Variants in MAP2 observed in about 807,000 individuals in gnomAD.
MAP2 encodes microtubule associated protein 2, also known as microtubule-associated protein 2.
In MAP2, 14 loss-of-function variants were observed where a neutral mutation model predicts 137.6. That is an observed-to-expected ratio of 0.10 (90% CI 0.07 to 0.16). The LOEUF is 0.16. Among genes scored for constraint, MAP2 ranks in the 10% least tolerant of loss-of-function variants. The pLI is 1.00. For missense variants in MAP2, 2,088 were observed against 2,191.5 expected (o/e 0.95, Z 0.94); for synonymous variants, 786 against 782.3 (o/e 1.00, Z -0.08).
chr2:209,613,844 C>T (rs762299496), intron 3 of MAP2, among the ~76,000 whole-genome samples: 10 of 152,094 alleles, frequency 6.6e-5, no homozygotes, highest in Non-Finnish European at 1.0e-4. Context: ...TAGTCCCAGA[C>T]GAGCCCAGGG....
intron 7 of MAP2, among the ~76,000 whole-genome samples, chr2:209,682,060 A>AT (rs1249840256): frequency 2.0e-5 from 3 of 152,080 alleles, no homozygotes; most frequent in African/African-American, 7.2e-5. Flanking sequence ...AGTTAATGTG[A>AT]TTTAATCTTT....
At chr2:209,505,824 TAGTC>T (rs777127496) in intron 1 of MAP2, among the ~76,000 whole-genome samples, 38 of 151,846 alleles carry the variant, frequency 2.5e-4, no homozygotes, top group Non-Finnish European at 2.2e-4. Context: ...ATACAAAACT[TAGTC>T]AGGCATAGTG....
intron 3 of MAP2, among the ~76,000 whole-genome samples, chr2:209,600,730 C>T (rs1421615229): frequency 1.3e-5 from 2 of 152,196 alleles, no homozygotes; most frequent in African/African-American, 4.8e-5. Context: ...AGCCAGGACA[C>T]GGTGAGTGAG....
chr2:209,597,036 C>T (rs2081473700), intron 3 of MAP2, among the ~76,000 whole-genome samples: 2 of 152,142 alleles, frequency 1.3e-5, no homozygotes, highest in African/African-American at 4.8e-5. Flanking sequence ...AAGTTCTGGC[C>T]TGTAAGCTAG....
chr2:209,687,573 G>A (rs551254066), intron 7 of MAP2, among the ~76,000 whole-genome samples: 1 of 152,230 alleles, frequency 6.6e-6, no homozygotes, highest in Non-Finnish European at 1.5e-5. Flanking sequence ...TCCTCCATCA[G>A]CTTGATCTTG....
At chr2:209,524,496 G>A (rs1002622731) in intron 2 of MAP2, among the ~76,000 whole-genome samples, 5 of 151,696 alleles carry the variant, frequency 3.3e-5, no homozygotes, top group Non-Finnish European at 7.4e-5. Context: ...CGAAACATGA[G>A]ATTAAACATT....
intron 2 of MAP2, among the ~76,000 whole-genome samples, chr2:209,567,159 C>T (rs1404806658): frequency 1.3e-5 from 2 of 152,098 alleles, no homozygotes; most frequent in Non-Finnish European, 2.9e-5. Context: ...TCCTCCCCAT[C>T]AGCGACTTCT....
intron 11 of MAP2, chr2:209,704,555 T>G: frequency 6.2e-7 from 1 of 1,612,732 alleles, no homozygotes; most frequent in South Asian, 1.1e-5. Context: ...TTCTGACAGT[T>G]TATTAATACA....
intron 1 of MAP2, among the ~76,000 whole-genome samples, chr2:209,504,847 G>A (rs1158749908): frequency 6.6e-6 from 1 of 151,644 alleles, no homozygotes; most frequent in African/African-American, 2.4e-5. Context: ...TGATTAAAAT[G>A]AACACATAGG....
chr2:209,615,503 A>C (rs1287038327), intron 3 of MAP2, among the ~76,000 whole-genome samples: 1 of 152,228 alleles, frequency 6.6e-6, no homozygotes, highest in Non-Finnish European at 1.5e-5. Flanking sequence ...GTAAAAGAAA[A>C]TATCATTTAA....
chr2:209,602,089 C>T (rs1264860262), intron 3 of MAP2, among the ~76,000 whole-genome samples: 1 of 152,134 alleles, frequency 6.6e-6, no homozygotes, highest in African/African-American at 2.4e-5. Flanking sequence ...TTCTAAACTG[C>T]TTGTCACCTT....
intron 3 of MAP2, among the ~76,000 whole-genome samples, chr2:209,603,722 A>C (rs555117013): frequency 1.6e-4 from 24 of 152,254 alleles, no homozygotes; most frequent in African/African-American, 5.8e-4. Flanking sequence ...TTGACAGAAT[A>C]TCTCTCAATT....
chr2:209,469,168 A>G (rs1704994587), intron 1 of MAP2, among the ~76,000 whole-genome samples: 1 of 152,218 alleles, frequency 6.6e-6, no homozygotes, highest in Non-Finnish European at 1.5e-5. Flanking sequence ...CTCCATTAGG[A>G]AACTCATTAT....
intron 1 of MAP2, among the ~76,000 whole-genome samples, chr2:209,449,917 AT>A (rs1699953651): frequency 6.6e-6 from 1 of 152,004 alleles, no homozygotes; most frequent in Non-Finnish European, 1.5e-5. Context: ...TAAGTCACTT[AT>A]CTTTTTTATT....
intron 3 of MAP2, among the ~76,000 whole-genome samples, chr2:209,597,482 TGA>T (rs2081593535): frequency 6.6e-6 from 1 of 152,226 alleles, no homozygotes; most frequent in Non-Finnish European, 1.5e-5. Flanking sequence ...CTCATCATCT[TGA>T]ACTCTAATGA....
At chr2:209,617,849 C>A (rs2090006046) in intron 3 of MAP2, among the ~76,000 whole-genome samples, 1 of 152,112 alleles carries the variant, frequency 6.6e-6, no homozygotes, top group Admixed American at 6.5e-5. Context: ...ACTTTGGCAG[C>A]ATTGTTTGAA....
At chr2:209,509,673 ATAAC>A (rs1490190936) in intron 2 of MAP2, among the ~76,000 whole-genome samples, 1 of 151,972 alleles carries the variant, frequency 6.6e-6, no homozygotes, top group African/African-American at 2.4e-5. Flanking sequence ...TTTTTCAACT[ATAAC>A]TAAGTTACTT....
At chr2:209,692,376 T>A (rs552769236) in intron 7 of MAP2, among the ~76,000 whole-genome samples, 6 of 150,274 alleles carry the variant, frequency 4.0e-5, no homozygotes, top group South Asian at 2.1e-4. Flanking sequence ...GAAAAGAATA[T>A]CCAGAAATAT....
At position 209,693,818 on chromosome 2, in the gene MAP2, G is replaced by T. The variant is rs1325574816; in HGVS notation, c.1648G>T (p.Val550Phe). 1.2e-6 allele frequency: 2 copies of T among 1,614,050 alleles called. No individual in the cohort carries two copies. The highest frequency in any genetic ancestry group is 1.7e-5 in the Admixed American group (1 of 60,010). Reference protein sequence around the residue: ...RVDDKDKIEGVGAATSAELDM... With the variant: ...RVDDKDKIEGFGAATSAELDM... Reference sequence around the variant, plus strand: ...TGATGACAAAGATAAGATTGAAGGAGTTGGAGCTGCAACATCAGCTGAGCT... The same window carrying T: ...TGATGACAAAGATAAGATTGAAGGATTTGGAGCTGCAACATCAGCTGAGCT... Residue 550 changes from valine (V) to phenylalanine (F), a missense_variant, in exon 8 of 16, where the codon GTT (valine) becomes TTT (phenylalanine). By Grantham distance (50) the Val-to-Phe change is conservative. Coordinates refer to ENST00000682079, the MANE Select transcript of MAP2 (RefSeq NM_001375505.1).
Sources: allele counts gnomAD v4.1 joint callset (sites outside exome capture counted in the v4.1 genomes callset), GRCh38; gene constraint gnomAD v4.1.1; transcripts MANE v1.5; gene names NCBI Gene and HGNC (gene_info 2026-07-23, HGNC 2026-07-21).